Variants in RYR2 observed in about 807,000 individuals in gnomAD.
RYR2 encodes the protein cardiac muscle ryanodine receptor-calcium release channel.
A neutral mutation model predicts 601.1 loss-of-function variants in RYR2; 227 were observed. The observed-to-expected ratio is 0.38, with a 90% CI of 0.34 to 0.42. The LOEUF (loss-of-function observed/expected upper bound fraction) is 0.42, where lower values mean the gene tolerates loss of function less well. RYR2 is among the 10% of genes least tolerant of loss of function. RYR2 has a pLI of 1.00. For synonymous variants in RYR2, 2,223 were observed against 2,175.1 expected (o/e 1.02, Z -0.61); for missense variants, 4,646 against 6,156.5 (o/e 0.75, Z 8.21).
chr1:237,087,270 G>C (rs1210910879), intron 1 of RYR2, among the ~76,000 whole-genome samples: 2 of 152,116 alleles, frequency 1.3e-5, no homozygotes, highest in Non-Finnish European at 2.9e-5. Context: ...CTTGGTTTTC[G>C]TGTGTGTTTG....
intron 27 of RYR2, among the ~76,000 whole-genome samples, chr1:237,551,889 G>T (rs10925455): frequency 3.1e-4 from 47 of 152,182 alleles, no homozygotes; most frequent in African/African-American, 1.1e-3. Flanking sequence ...TACAGATAAG[G>T]AAACTGAGAT....
At chr1:237,439,401 T>C (rs1336286461) in intron 12 of RYR2, among the ~76,000 whole-genome samples, 2 of 152,180 alleles carry the variant, frequency 1.3e-5, no homozygotes, top group Non-Finnish European at 2.9e-5. Context: ...TCCCTGCCCT[T>C]TGGGAGGCCG....
intron 3 of RYR2, among the ~76,000 whole-genome samples, chr1:237,344,066 G>A (rs546918381): frequency 1.5e-3 from 230 of 151,984 alleles, no homozygotes; most frequent in African/African-American, 5.3e-3. Flanking sequence ...CAGGTAATCC[G>A]CCGGCCTTGG....
intron 1 of RYR2, among the ~76,000 whole-genome samples, chr1:237,085,897 G>A (rs528029898): frequency 3.7e-4 from 56 of 152,316 alleles, no homozygotes; most frequent in African/African-American, 1.3e-3. Flanking sequence ...GGGACCACAG[G>A]CGTGTGCCGC....
At chr1:237,563,250 C>CA (rs1671633961) in intron 27 of RYR2, among the ~76,000 whole-genome samples, 1 of 151,758 alleles carries the variant, frequency 6.6e-6, no homozygotes, top group East Asian at 1.9e-4. Flanking sequence ...ACTGAAAATA[C>CA]AAAAAAATTA....
Position 237,570,721 on chromosome 1 carries a change from A to T in RYR2, c.3598+1402A>T, listed in dbSNP as rs551586980. On this transcript the variant is annotated intron_variant, in intron 29 of 104. Coordinates refer to ENST00000366574, the MANE Select transcript of RYR2 (RefSeq NM_001035.3). ...GCTCAATTCCCTCAGGTGGTTAGGG[A>T]TGCCCCTGCTGGACAGTGCAGGTAG... 1.3e-3 allele frequency among the ~76,000 whole-genome samples: 193 copies of T among 152,268 alleles called. 1 individual carries two copies. Among genetic ancestry groups the T allele is most frequent in the Middle Eastern group, 3.4e-3 (1 of 294 alleles).
At chr1:237,068,500 A>T (rs1663925904) in intron 1 of RYR2, among the ~76,000 whole-genome samples, 1 of 152,148 alleles carries the variant, frequency 6.6e-6, no homozygotes, top group Non-Finnish European at 1.5e-5. Context: ...GTGTAAATAC[A>T]TTCTTTACTT....
At chr1:237,278,503 T>A (rs1558543899) in intron 2 of RYR2, among the ~76,000 whole-genome samples, 1 of 152,112 alleles carries the variant, frequency 6.6e-6, no homozygotes, top group Admixed American at 6.6e-5. Context: ...ATTACCTTAT[T>A]TATACTGTTT....
intron 80 of RYR2, among the ~76,000 whole-genome samples, chr1:237,754,630 T>C (rs1204776902): frequency 1.3e-5 from 2 of 152,198 alleles, no homozygotes; most frequent in African/African-American, 2.4e-5. Flanking sequence ...AAAAACTCTC[T>C]CACAAAAGGA....
intron 84 of RYR2, among the ~76,000 whole-genome samples, chr1:237,764,286 G>C (rs1693663434): frequency 6.6e-6 from 1 of 152,068 alleles, no homozygotes; most frequent in South Asian, 2.1e-4. Context: ...AGACTGAAAT[G>C]CAGGCATTCT....
intron 1 of RYR2, among the ~76,000 whole-genome samples, chr1:237,253,799 T>C (rs1687699804): frequency 6.6e-6 from 1 of 152,208 alleles, no homozygotes; most frequent in South Asian, 2.1e-4. Context: ...AGTGAGGTAA[T>C]TTACGGAAAG....
chr1:237,084,130 G>GAAGA (rs1281286517), intron 1 of RYR2, among the ~76,000 whole-genome samples: 1 of 152,050 alleles, frequency 6.6e-6, no homozygotes, highest in Non-Finnish European at 1.5e-5. Context: ...TCTCCTCTTT[G>GAAGA]AAGATCTAAT....
rs570221757 is a variant in RYR2, at chr1:237,062,014, C to T, written c.48+19445C>T. 3.3e-5 allele frequency among the ~76,000 whole-genome samples: 5 copies of T among 152,342 alleles called. No individual in the cohort carries two copies. The South Asian group carries it at 8.3e-4, about 25-fold the overall frequency. ...AGGCTACCTTTTCATCACTGCATTG[C>T]AGTGGTACCTGGGTAGTAAGTCAGG... is the stretch of plus-strand genomic sequence containing the variant. On this transcript the variant is annotated intron_variant, in intron 1 of 104. Transcript: ENST00000366574.
intron 24 of RYR2, among the ~76,000 whole-genome samples, chr1:237,527,947 C>A (rs1038041053): frequency 6.6e-6 from 1 of 152,196 alleles, no homozygotes; most frequent in African/African-American, 2.4e-5. Flanking sequence ...GGATGCGAAT[C>A]ATCGCTTTGT....
Position 237,632,780 on chromosome 1 carries a change from A to G in RYR2, c.6556-798A>G, listed in dbSNP as rs146559211. ...GTATAATAAAAAAAAACTTTATATA[A>G]TCAGTATAATTTTATAACCTCTGAT... is the stretch of plus-strand genomic sequence containing the variant. On this transcript the variant is annotated intron_variant, in intron 42 of 104. Coordinates refer to ENST00000366574, the MANE Select transcript of RYR2 (RefSeq NM_001035.3). Among the ~76,000 whole-genome samples, 1,007 of 152,230 alleles carry G rather than the reference A, an allele frequency of 6.6e-3. 12 individuals carry two copies. Among genetic ancestry groups the G allele is most frequent in the African/African-American group, 0.022 (926 of 41,548 alleles).
Position 237,248,759 on chromosome 1 carries a change from A to ATT in RYR2, c.49-21720_49-21719dup, listed in dbSNP as rs34881922. ...ATGACTAGACATTGAATGAATGTACATTTTTTTTTTTTTTTTTTTGAGATG... is the reference window on the plus strand; with the variant it reads ...ATGACTAGACATTGAATGAATGTACATTTTTTTTTTTTTTTTTTTTTGAGATG... On this transcript the variant is annotated intron_variant, in intron 1 of 104. Transcript: ENST00000366574. Among the ~76,000 whole-genome samples the ATT allele has an allele frequency of 6.3e-3, 754 of 119,888 alleles. 12 individuals carry two copies. Among genetic ancestry groups the ATT allele is most frequent in the African/African-American group, 0.021 (684 of 32,670 alleles). 78.7% of individuals were successfully genotyped at this position (119,888 alleles called of 152,430 possible).
intron 24 of RYR2, 51 bp downstream of exon 24, chr1:237,511,842 A>T: frequency 1.1e-6 from 1 of 929,484 alleles, no homozygotes; most frequent in Non-Finnish European, 1.5e-6. Context: ...CTGAAAAAAA[A>T]AAAAAAAAAA....
chr1:237,063,099 T>C (rs1185384334), intron 1 of RYR2, among the ~76,000 whole-genome samples: 1 of 152,072 alleles, frequency 6.6e-6, no homozygotes, highest in African/African-American at 2.4e-5. Flanking sequence ...TGAGTGCAAT[T>C]AATGCCTTTA....
intron 2 of RYR2, among the ~76,000 whole-genome samples, chr1:237,309,053 G>A (rs1334931786): frequency 1.3e-4 from 19 of 151,908 alleles, no homozygotes; most frequent in African/African-American, 4.6e-4. Flanking sequence ...GGTGCTGATT[G>A]GTGTGTTTAC....
Sources: allele counts gnomAD v4.1 joint callset (sites outside exome capture counted in the v4.1 genomes callset), GRCh38; gene constraint gnomAD v4.1.1; transcripts MANE v1.5; gene names NCBI Gene and HGNC (gene_info 2026-07-23, HGNC 2026-07-21).